The following PPM1H variants were observed in gnomAD, a reference collection of about 807,000 sequenced individuals.
The protein encoded by PPM1H is protein phosphatase, Mg2+/Mn2+ dependent 1H.
In PPM1H, 27 loss-of-function variants were observed where a neutral mutation model predicts 54.9. The observed-to-expected ratio is 0.49, with a 90% CI of 0.36 to 0.68. The LOEUF is 0.68. Among genes scored for constraint, PPM1H ranks in the 30% least tolerant of loss-of-function variants. The probability of loss-of-function intolerance (pLI) is 0.00; values close to 1 mark genes in which losing one functional copy is unlikely to be tolerated. For synonymous variants in PPM1H, 305 were observed against 270.8 expected, an observed-to-expected ratio of 1.13 and a Z score of -1.24; for missense variants, 596 against 667.8, an observed-to-expected ratio of 0.89 and a Z score of 1.19.
intron 2 of PPM1H, among the ~76,000 whole-genome samples, chr12:62,831,002 C>G (rs955127066): frequency 4.0e-5 from 6 of 151,848 alleles, no homozygotes; most frequent in Admixed American, 3.9e-4. Flanking sequence ...TACAGGCGCC[C>G]GCCACCATGC....
chr12:62,693,858 C>T (rs1023780800), intron 7 of PPM1H, 78 bp downstream of exon 7: 64 of 1,299,108 alleles, frequency 4.9e-5, no homozygotes, highest in Non-Finnish European at 5.7e-5. Flanking sequence ...GTGGAACACA[C>T]GGACTGCCAC....
intron 1 of PPM1H, among the ~76,000 whole-genome samples, chr12:62,858,335 A>T (rs554108635): frequency 1.2e-4 from 18 of 152,330 alleles, no homozygotes; most frequent in African/African-American, 4.3e-4. Context: ...TATTGATTAC[A>T]GGCACCAATT....
chr12:62,865,727 G>A (rs1335100564), intron 1 of PPM1H, among the ~76,000 whole-genome samples: 1 of 152,056 alleles, frequency 6.6e-6, no homozygotes, highest in Admixed American at 6.5e-5. Flanking sequence ...CGAACCCTGG[G>A]ATCAAATGAT....
At chr12:62,830,437 A>ATG (rs1460370543) in intron 2 of PPM1H, among the ~76,000 whole-genome samples, 2 of 151,994 alleles carry the variant, frequency 1.3e-5, no homozygotes, top group African/African-American at 4.8e-5. Flanking sequence ...TTGTATTTTT[A>ATG]GTAGAGACAG....
intron 4 of PPM1H, among the ~76,000 whole-genome samples, chr12:62,763,723 T>C (rs1011539439): frequency 1.3e-5 from 2 of 152,226 alleles, no homozygotes; most frequent in Non-Finnish European, 2.9e-5. Flanking sequence ...TTCACAGAAA[T>C]TGTTGAGCTT....
intron 2 of PPM1H, among the ~76,000 whole-genome samples, chr12:62,809,908 A>G (rs1278465836): frequency 1.3e-5 from 2 of 151,734 alleles, no homozygotes; most frequent in East Asian, 2.0e-4. Flanking sequence ...ACTGATCCCT[A>G]TCTCTCTGCT....
chr12:62,877,320 T>C (rs948463407), intron 1 of PPM1H, among the ~76,000 whole-genome samples: 2 of 152,274 alleles, frequency 1.3e-5, no homozygotes, highest in Admixed American at 6.5e-5. Context: ...GACCATGAGA[T>C]AGTATGAAGG....
intron 1 of PPM1H, among the ~76,000 whole-genome samples, chr12:62,886,658 T>G (rs188052537): frequency 1.2e-3 from 184 of 152,350 alleles, no homozygotes; most frequent in African/African-American, 4.2e-3. Flanking sequence ...AAAATTTCAC[T>G]CCAAAGTATT....
chr12:62,762,907 G>A (rs1322294644), intron 4 of PPM1H, among the ~76,000 whole-genome samples: 3 of 152,196 alleles, frequency 2.0e-5, no homozygotes, highest in Non-Finnish European at 2.9e-5. Context: ...GAAACCTGGA[G>A]GAGGCTGAAA....
intron 1 of PPM1H, among the ~76,000 whole-genome samples, chr12:62,846,929 T>C (rs1228980766): frequency 2.0e-5 from 3 of 152,204 alleles, no homozygotes; most frequent in African/African-American, 4.8e-5. Context: ...CTGTGTGGAC[T>C]AAGAGAATGC....
intron 1 of PPM1H, among the ~76,000 whole-genome samples, chr12:62,863,650 C>A (rs924102720): frequency 6.6e-6 from 1 of 152,148 alleles, no homozygotes; most frequent in South Asian, 2.1e-4. Flanking sequence ...TAATCTGACT[C>A]TTACTATAGG....
intron 2 of PPM1H, among the ~76,000 whole-genome samples, chr12:62,819,155 G>T (rs1234979059): frequency 2.4e-5 from 3 of 126,808 alleles, no homozygotes; most frequent in African/African-American, 6.1e-5. Flanking sequence ...TTTTGAGATG[G>T]AGTCTCACTC....
At chr12:62,731,038 T>G (rs147522128) in intron 5 of PPM1H, among the ~76,000 whole-genome samples, 147 of 152,338 alleles carry the variant, frequency 9.6e-4, no homozygotes, top group South Asian at 3.3e-3. Context: ...GAACCGAGCT[T>G]GTATATATAA....
At chr12:62,753,505 G>C (rs1001317611) in intron 4 of PPM1H, among the ~76,000 whole-genome samples, 4 of 152,216 alleles carry the variant, frequency 2.6e-5, no homozygotes, top group Non-Finnish European at 4.4e-5. Context: ...TACCATGTGT[G>C]GGTCAGATTC....
intron 1 of PPM1H, among the ~76,000 whole-genome samples, chr12:62,929,619 C>T (rs1872072540): frequency 6.6e-6 from 1 of 152,180 alleles, no homozygotes; most frequent in African/African-American, 2.4e-5. Flanking sequence ...AAACACCCCC[C>T]TGCATGGTTA....
intron 5 of PPM1H, 89 bp from the exon 6 acceptor site, chr12:62,720,378 A>G (rs1248181097): frequency 1.0e-6 from 1 of 970,310 alleles, no homozygotes; most frequent in Non-Finnish European, 1.6e-6. Context: ...AAATTGAGAC[A>G]GGCCATATTT....
intron 2 of PPM1H, among the ~76,000 whole-genome samples, chr12:62,817,152 T>TAAAAAAAAAAAAAAAAAAAAAA (rs2076873724): frequency 3.2e-5 from 2 of 63,136 alleles, no homozygotes; most frequent in Non-Finnish European, 5.8e-5. Context: ...AAAAAAAAAC[T>TAAAAAAAAAAAAAAAAAAAAAA]AAAAAAAAGA....
intron 1 of PPM1H, among the ~76,000 whole-genome samples, chr12:62,918,104 C>T (rs1871680454): frequency 6.6e-6 from 1 of 152,220 alleles, no homozygotes; most frequent in Admixed American, 6.5e-5. Context: ...CTGGGAAGGG[C>T]TAAGTCGATG....
intron 1 of PPM1H, among the ~76,000 whole-genome samples, chr12:62,852,228 CAAAAAAAAAAAA>C (rs59673617): frequency 8.3e-5 from 5 of 60,404 alleles, no homozygotes; most frequent in Non-Finnish European, 1.7e-4. Context: ...GACTCTGTCT[CAAAAAAAAAAAA>C]AAAAAAAAAA....
Sources: allele counts gnomAD v4.1 joint callset (sites outside exome capture counted in the v4.1 genomes callset), GRCh38; gene constraint gnomAD v4.1.1; transcripts MANE v1.5; gene names NCBI Gene and HGNC (gene_info 2026-07-23, HGNC 2026-07-21).